FNIP2: variants seen among roughly 807,000 people sequenced by gnomAD.
FNIP2 encodes folliculin interacting protein 2.
Under a neutral mutation model 108.7 loss-of-function variants are expected in FNIP2, and 32 were observed. The observed-to-expected ratio is 0.29, with a 90% CI of 0.22 to 0.40. FNIP2 has a LOEUF of 0.40. Among genes scored for constraint, FNIP2 ranks in the 10% least tolerant of loss-of-function variants. FNIP2 has a pLI of 1.00. For missense variants in FNIP2, 1,202 were observed against 1,381.6 expected (o/e 0.87, Z 2.06); for synonymous variants, 480 against 496.7 (o/e 0.97, Z 0.45).
intron 12 of FNIP2, among the ~76,000 whole-genome samples, chr4:158,863,204 T>C (rs1221259750): frequency 6.6e-6 from 1 of 152,222 alleles, no homozygotes; most frequent in Non-Finnish European, 1.5e-5. Flanking sequence ...TAAAGCCAAG[T>C]GTAAGTGATG....
chr4:158,845,389 G>C (rs1779345449), intron 7 of FNIP2, among the ~76,000 whole-genome samples: 1 of 152,180 alleles, frequency 6.6e-6, no homozygotes, highest in Admixed American at 6.5e-5. Context: ...GAATCAACTA[G>C]GGGAGAGCCC....
intron 8 of FNIP2, among the ~76,000 whole-genome samples, chr4:158,854,579 A>G (rs1231139700): frequency 6.6e-6 from 1 of 152,236 alleles, no homozygotes; most frequent in Non-Finnish European, 1.5e-5. Context: ...TAACAAATAC[A>G]GGTTAACAAG....
In FNIP2 at chr4:158,868,048, T is replaced by A; in HGVS notation, c.1466-54T>A. 1 of 1,589,802 alleles carries A rather than the reference T, an allele frequency of 6.3e-7. No homozygotes were observed. On this transcript the variant is annotated intron_variant, in intron 12 of 16. Transcript: ENST00000264433. This position sits in a 1 kb window ranked among gnomAD's most constrained non-coding sequence, Gnocchi z 4.6. ...TTGCTCTTGTAAAGACGGATATATCTGTGACATGCTAACCCCAGAGACCAC... is the reference window on the plus strand; with the variant it reads ...TTGCTCTTGTAAAGACGGATATATCAGTGACATGCTAACCCCAGAGACCAC...
chr4:158,793,501 C>T (rs1290591196), intron 1 of FNIP2, among the ~76,000 whole-genome samples: 2 of 152,256 alleles, frequency 1.3e-5, no homozygotes, highest in Non-Finnish European at 2.9e-5. Context: ...AGAGTTGTTC[C>T]AGTTTGACTA....
At chr4:158,784,171 A>C (rs537546101) in intron 1 of FNIP2, among the ~76,000 whole-genome samples, 2 of 152,230 alleles carry the variant, frequency 1.3e-5, no homozygotes, top group South Asian at 2.1e-4. Flanking sequence ...TTGTCAGAAG[A>C]TATTAAGCCA....
chr4:158,809,952 CA>C (rs1777183663), intron 1 of FNIP2, among the ~76,000 whole-genome samples: 1 of 152,130 alleles, frequency 6.6e-6, no homozygotes, highest in South Asian at 2.1e-4. Context: ...AAAGTAAGTA[CA>C]GAAACTTGAG....
In FNIP2 at chr4:158,783,969, T is replaced by C. The variant is rs565863750; in HGVS notation, c.107+14650T>C. Among the ~76,000 whole-genome samples, 5 of 152,290 alleles carry C rather than the reference T, an allele frequency of 3.3e-5. No individual in the cohort carries two copies. In the East Asian group the frequency reaches 7.7e-4, roughly 23 times the overall value. ...AAAGCTGGACAGGATGTGGAAGTGA[T>C]GGGGAGATACTTGTAAACAAAAAGA... On this transcript the variant is annotated intron_variant, in intron 1 of 16. Transcript: ENST00000264433.
intron 7 of FNIP2, among the ~76,000 whole-genome samples, chr4:158,839,461 G>A (rs755061439): frequency 6.6e-6 from 1 of 152,048 alleles, no homozygotes; most frequent in African/African-American, 2.4e-5. Context: ...GAACTCCTGG[G>A]CACAAGGGAT....
At chr4:158,785,743 A>G (rs1182696996) in intron 1 of FNIP2, among the ~76,000 whole-genome samples, 1 of 137,774 alleles carries the variant, frequency 7.3e-6, no homozygotes, top group East Asian at 2.0e-4. Flanking sequence ...ATTCTCCTCT[A>G]TAGATTGTTT....
intron 6 of FNIP2, 179 bp downstream of exon 6, chr4:158,833,807 T>C: frequency 2.6e-6 from 4 of 1,519,762 alleles, no homozygotes; most frequent in Non-Finnish European, 2.6e-6. Flanking sequence ...CTAGGTCTGC[T>C]GCAAGCATGC....
At chr4:158,793,267 G>C (rs1776480154) in intron 1 of FNIP2, among the ~76,000 whole-genome samples, 2 of 152,176 alleles carry the variant, frequency 1.3e-5, no homozygotes. Flanking sequence ...CAAGAACCCT[G>C]AGACGTGATC....
In FNIP2 at chr4:158,880,144, G is replaced by A. The variant is rs1480608751; in HGVS notation, c.2949+9675G>A. Among the ~76,000 whole-genome samples, 16 of 150,346 alleles carry A rather than the reference G, an allele frequency of 1.1e-4. 1 individual carries two copies. The highest frequency in any genetic ancestry group is 3.7e-4 in the African/African-American group (15 of 40,418). ...TGCTGCTATAAAGACACATGCACAC[G>A]TATGTTTATTGTGGCACTATTCACA... On this transcript the variant is annotated intron_variant, in intron 14 of 16. Coordinates refer to ENST00000264433, the MANE Select transcript of FNIP2 (RefSeq NM_020840.3).
chr4:158,880,706 T>C (rs1781542924), intron 14 of FNIP2, among the ~76,000 whole-genome samples: 1 of 152,230 alleles, frequency 6.6e-6, no homozygotes, highest in Non-Finnish European at 1.5e-5. Context: ...GGTTTTTTGG[T>C]TTGTTTTTAT....
At chr4:158,774,108 T>TAC (rs1292890089) in intron 1 of FNIP2, among the ~76,000 whole-genome samples, 1 of 152,128 alleles carries the variant, frequency 6.6e-6, no homozygotes, top group African/African-American at 2.4e-5. Context: ...GTAACAAAAT[T>TAC]ACACTTATAC....
chr4:158,801,605 C>A (rs1776765366), intron 1 of FNIP2, among the ~76,000 whole-genome samples: 1 of 152,174 alleles, frequency 6.6e-6, no homozygotes, highest in Admixed American at 6.6e-5. Flanking sequence ...TCATTCTCCT[C>A]ATCTGTTAAG....
chr4:158,859,189 G>A lies in FNIP2; in HGVS notation c.990G>A (p.Gln330=). 4 of 1,613,540 alleles carry A rather than the reference G, an allele frequency of 2.5e-6. No homozygotes were observed. Among genetic ancestry groups the A allele is most frequent in the Non-Finnish European group, 3.4e-6 (4 of 1,179,684 alleles). The stretch of plus-strand genomic sequence containing the variant: ...AAGAAGAAGCACAAAGGAATTTCCA[G>A]GACTTCTTCTTTTCTCATTTTCCCC... ...CEKEEAQRNF[Q]DFFFSHFPLF... is the part of the protein sequence containing the mutation. Residue 330 remains glutamine, a synonymous_variant, in exon 9 of 17, where the codon CAG becomes CAA. Coordinates refer to ENST00000264433, the MANE Select transcript of FNIP2 (RefSeq NM_020840.3).
At chr4:158,850,400 C>T (rs1779630523) in intron 7 of FNIP2, among the ~76,000 whole-genome samples, 1 of 151,806 alleles carries the variant, frequency 6.6e-6, no homozygotes, top group South Asian at 2.1e-4. Flanking sequence ...CATCAAGCAG[C>T]TTGACTTGAA....
rs770696633 is a variant in FNIP2, at chr4:158,859,629, T to C, written c.1111T>C (p.Tyr371His). The C allele has an allele frequency of 5.6e-6, 9 of 1,613,594 alleles. No homozygotes were observed. Among genetic ancestry groups the C allele is most frequent in the Non-Finnish European group, 7.6e-6 (9 of 1,179,704 alleles). Residue 371 changes from tyrosine to histidine, a missense_variant, in exon 10 of 17, where the codon TAT becomes CAT. By Grantham distance (83) the Tyr-to-His change is moderately conservative. Transcript: ENST00000264433. Reference sequence around the variant, plus strand: ...AGAATCAAGTCTCCGAGTCCAGTTTTATGTCAGCCGTTTGATGGAAGCTCT... The same window carrying C: ...AGAATCAAGTCTCCGAGTCCAGTTTCATGTCAGCCGTTTGATGGAAGCTCT... Reference protein sequence around the residue: ...IAESSLRVQFYVSRLMEALGE... With the variant: ...IAESSLRVQFHVSRLMEALGE...
intron 7 of FNIP2, chr4:158,836,380 G>A (rs1778799392): frequency 6.6e-6 from 1 of 152,146 alleles, no homozygotes; most frequent in Admixed American, 6.5e-5. Flanking sequence ...TTGTTACTGA[G>A]TCTCCAGTTT....
Sources: allele counts gnomAD v4.1 joint callset (sites outside exome capture counted in the v4.1 genomes callset), GRCh38; gene constraint gnomAD v4.1.1; non-coding constraint Gnocchi (gnomAD v3.1); transcripts MANE v1.5; gene names NCBI Gene and HGNC (gene_info 2026-07-23, HGNC 2026-07-21).